Variants in COG3 observed in about 807,000 individuals in gnomAD.
The protein encoded by COG3 is conserved oligomeric Golgi complex subunit 3.
COG3 carries 32 observed loss-of-function variants against 114.1 expected under a neutral mutation model. That is an observed-to-expected ratio of 0.28 (90% CI 0.21 to 0.38). The LOEUF is 0.38. Among genes scored for constraint, COG3 ranks in the 10% least tolerant of loss-of-function variants. COG3 has a pLI of 1.00. For synonymous variants in COG3, 352 were observed against 365.7 expected (o/e 0.96, Z 0.43); for missense variants, 813 against 973.2 (o/e 0.84, Z 2.19).
chr13:45,492,294 T>C lies in COG3; in HGVS notation c.1187+44T>C, dbSNP rs747313828. 8.1e-6 allele frequency: 9 copies of C among 1,112,984 alleles called. No individual in the cohort carries two copies. The South Asian group carries it at 1.1e-4, about 13-fold the overall frequency. The allele number at this position is 1,112,984 out of a possible 1,614,324, so 68.9% of individuals were successfully genotyped here. ...TAACTCTTGTTCATAAAATTTAACT[T>C]GCTAATGACCATAATGAATCAGTAT... is the stretch of plus-strand genomic sequence containing the variant. On this transcript the variant is annotated intron_variant, in intron 11 of 22. Transcript: ENST00000349995.
chr13:45,516,372 G>A (rs1205329291), intron 17 of COG3, 109 bp downstream of exon 17: 1 of 936,088 alleles, frequency 1.1e-6, no homozygotes, highest in Non-Finnish European at 1.5e-6. Context: ...TGCATGCTTT[G>A]CTTGCTAAAT....
At chr13:45,481,201 A>T in intron 4 of COG3, 29 bp from the exon 5 acceptor site, 1 of 1,272,646 alleles carries the variant, frequency 7.9e-7, no homozygotes, top group South Asian at 1.3e-5. Context: ...TCTTATAATA[A>T]TTGATTTTTC....
Position 45,465,063 on chromosome 13 carries a change from G to T in COG3, c.27G>T (p.Leu9=). The T allele has an allele frequency of 6.3e-7, 1 of 1,592,416 alleles. No individual in the cohort carries two copies. The highest frequency in any genetic ancestry group is 8.5e-7 in the Non-Finnish European group (1 of 1,170,930). The change falls in exon 1 of 23, where the codon CTG becomes CTT. Residue 9 remains leucine, a synonymous_variant. Coordinates refer to ENST00000349995, the MANE Select transcript of COG3 (RefSeq NM_031431.4). ...TGGCGGAGGCGGCGCTGTTGCTGCT[G>T]CCTGAGGCGGCGGCGGAGCGGGACG... is the stretch of plus-strand genomic sequence containing the variant. The part of the protein sequence containing the change: MAEAALLL[L]PEAAAERDAR...
intron 6 of COG3, 26 bp downstream of exon 6, chr13:45,482,499 T>G: frequency 8.8e-7 from 1 of 1,134,940 alleles, no homozygotes; most frequent in Non-Finnish European, 1.3e-6. Flanking sequence ...TTTGCATGTT[T>G]TAAAGAAATC....
intron 14 of COG3, among the ~76,000 whole-genome samples, chr13:45,508,429 CACAT>C (rs1870482144): frequency 7.3e-6 from 1 of 137,664 alleles, no homozygotes; most frequent in Non-Finnish European, 1.6e-5. Flanking sequence ...CACACACATA[CACAT>C]ATATATACAT....
intron 5 of COG3, among the ~76,000 whole-genome samples, chr13:45,482,110 A>G (rs1342392960): frequency 3.9e-5 from 6 of 152,166 alleles, no homozygotes; most frequent in Admixed American, 1.3e-4. Context: ...ATGACATTGT[A>G]TAGTGGGGTA....
chr13:45,525,733 A>G (rs1324648624), intron 20 of COG3, among the ~76,000 whole-genome samples: 1 of 143,102 alleles, frequency 7.0e-6, no homozygotes, highest in Non-Finnish European at 1.5e-5. Context: ...TTAAATTGCC[A>G]TTAAACCAGA....
chr13:45,518,903 T>A, intron 18 of COG3, 53 bp downstream of exon 18: 1 of 1,612,052 alleles, frequency 6.2e-7, no homozygotes, highest in Non-Finnish European at 8.5e-7. Context: ...ATTCTTTACA[T>A]GTCTGGTGAT....
intron 14 of COG3, among the ~76,000 whole-genome samples, chr13:45,504,692 A>T (rs1455685543): frequency 2.6e-5 from 4 of 152,128 alleles, no homozygotes; most frequent in Non-Finnish European, 4.4e-5. Context: ...CTCAGATGTG[A>T]GGGTTGAATA....
intron 15 of COG3, 45 bp from the exon 16 acceptor site, chr13:45,511,720 T>G: frequency 2.0e-6 from 3 of 1,471,088 alleles, no homozygotes; most frequent in Non-Finnish European, 2.8e-6. Flanking sequence ...TTTTTTTTTG[T>G]TTTGTCAAAT....
In COG3 at chr13:45,508,633, T is replaced by A. The variant is rs1466443002; in HGVS notation, c.1595-1059T>A. Among the ~76,000 whole-genome samples, 4 of 152,210 alleles carry A rather than the reference T, an allele frequency of 2.6e-5. No homozygotes were observed. The East Asian group carries it at 5.8e-4, about 22-fold the overall frequency. ...AAATTTAATGAGTTTGCTAATGTCC[T>A]CTAATGCCTAGTCCATCTTTCAATA... On this transcript the variant is annotated intron_variant, in intron 14 of 22. Coordinates refer to ENST00000349995, the MANE Select transcript of COG3 (RefSeq NM_031431.4).
intron 19 of COG3, among the ~76,000 whole-genome samples, chr13:45,522,949 T>C (rs1872322174): frequency 6.6e-6 from 1 of 152,212 alleles, no homozygotes; most frequent in Non-Finnish European, 1.5e-5. Context: ...TGCAACTGCG[T>C]CTGCCACCTT....
At position 45,464,996 on chromosome 13, in the gene COG3, C is replaced by T. The variant is rs781104021; in HGVS notation, c.-41C>T. 148 of 1,539,844 alleles carry T rather than the reference C, an allele frequency of 9.6e-5. No homozygotes were observed. The highest frequency in any genetic ancestry group is 6.1e-4 in the Admixed American group (31 of 50,676). On this transcript the variant is annotated 5_prime_UTR_variant, in exon 1 of 23. Transcript: ENST00000349995. ...GGCCCAGGTCTCTCTGTCGGGGTCC[C>T]CTCCATCTCGCTGCTGCTGAAGGCC... is the stretch of plus-strand genomic sequence containing the variant.
chr13:45,474,857 T>G (rs1007445835), intron 1 of COG3, among the ~76,000 whole-genome samples: 4 of 152,196 alleles, frequency 2.6e-5, no homozygotes, highest in African/African-American at 7.2e-5. Flanking sequence ...AACTAAGAAC[T>G]GAGAGCTGAA....
At position 45,493,459 on chromosome 13, in the gene COG3, G is replaced by T. The variant is rs17846239; in HGVS notation, c.1300G>T (p.Val434Leu). ...ACTTTGTGGGATTCTTAAAAATGAG[G>T]TGCTTGAAGATCATGTGCAGAACAA... ...SELCGILKNE[V>L]LEDHVQNNAE... The change falls in exon 12 of 23, where the codon GTG (valine) becomes TTG (leucine). Residue 434 changes from valine to leucine, a missense_variant. Transcript: ENST00000349995. 6.2e-7 allele frequency: 1 copy of T among 1,613,190 alleles called. No individual in the cohort carries two copies. The highest frequency in any genetic ancestry group is 1.7e-5 in the Admixed American group (1 of 59,998).
intron 19 of COG3, among the ~76,000 whole-genome samples, chr13:45,522,142 G>A (rs1368433874): frequency 2.0e-5 from 3 of 151,978 alleles, no homozygotes; most frequent in East Asian, 1.9e-4. Flanking sequence ...CTTGATAAAC[G>A]GTTGCAGGAA....
intron 12 of COG3, among the ~76,000 whole-genome samples, chr13:45,494,197 C>T (rs548888757): frequency 1.8e-4 from 28 of 151,962 alleles, no homozygotes; most frequent in Admixed American, 5.2e-4. Context: ...TGGTGGCAGG[C>T]GCCTATAATC....
chr13:45,534,817 G>T lies in COG3; in HGVS notation c.*86G>T. The T allele has an allele frequency of 1.4e-6, 2 of 1,435,862 alleles. No individual in the cohort carries two copies. The highest frequency in any genetic ancestry group is 1.8e-6 in the Non-Finnish European group (2 of 1,093,812). The allele number at this position is 1,435,862 out of a possible 1,614,324, so 88.9% of individuals were successfully genotyped here. A position where few individuals can be genotyped will look rare whatever the true frequency, so the allele number is the denominator to read the frequency against. ...GCAGTCTGCAGGACACCGAGGAATC[G>T]TATGTGGGAACGTCCCCGAGAACCA... On this transcript the variant is annotated 3_prime_UTR_variant, in exon 23 of 23. Transcript: ENST00000349995.
At chr13:45,471,246 A>T (rs12857782) in intron 1 of COG3, among the ~76,000 whole-genome samples, 10,525 of 151,980 alleles carry the variant, frequency 0.069, 422 homozygotes, top group East Asian at 0.11. Flanking sequence ...TCTACAGAAA[A>T]AAAAAAGAAA....
Sources: allele counts gnomAD v4.1 joint callset (sites outside exome capture counted in the v4.1 genomes callset), GRCh38; gene constraint gnomAD v4.1.1; transcripts MANE v1.5; gene names NCBI Gene and HGNC (gene_info 2026-07-23, HGNC 2026-07-21).